Variants in SUSD6 observed in about 807,000 individuals in gnomAD.
The protein encoded by SUSD6 is sushi domain-containing protein 6.
A neutral mutation model predicts 28.4 loss-of-function variants in SUSD6; 16 were observed. The observed-to-expected ratio is 0.56, with a 90% CI of 0.38 to 0.86. The LOEUF is 0.86. SUSD6 is among the 40% of genes least tolerant of loss of function. SUSD6 has a pLI of 0.00. For missense variants in SUSD6, 341 were observed against 384.2 expected, an observed-to-expected ratio of 0.89 and a Z score of 0.94; for synonymous variants, 147 against 159.6, an observed-to-expected ratio of 0.92 and a Z score of 0.59.
intron 1 of SUSD6, among the ~76,000 whole-genome samples, chr14:69,652,822 G>A (rs549289714): frequency 1.5e-3 from 223 of 152,304 alleles, no homozygotes; most frequent in Non-Finnish European, 2.5e-3. Context: ...GCAACAACAA[G>A]CAAGTAAACC....
rs557374843 is a variant in SUSD6, at chr14:69,652,836, T to A, written c.-80-5677T>A. Among the ~76,000 whole-genome samples, 5 of 152,356 alleles carry A rather than the reference T, an allele frequency of 3.3e-5. No individual in the cohort carries two copies. The South Asian group carries it at 1.0e-3, about 32-fold the overall frequency. On this transcript the variant is annotated intron_variant, in intron 1 of 5. Coordinates refer to ENST00000342745, the MANE Select transcript of SUSD6 (RefSeq NM_014734.4). ...GGCAACAACAAGCAAGTAAACCATGTGAACTTTGGGCTTGTGTTGCAGGCC... is the reference window on the plus strand; with the variant it reads ...GGCAACAACAAGCAAGTAAACCATGAGAACTTTGGGCTTGTGTTGCAGGCC...
intron 4 of SUSD6, among the ~76,000 whole-genome samples, chr14:69,705,431 C>A (rs916479425): frequency 6.6e-6 from 1 of 152,006 alleles, no homozygotes; most frequent in South Asian, 2.1e-4. Context: ...GATCATGGAA[C>A]TTGTTAGGAT....
intron 1 of SUSD6, among the ~76,000 whole-genome samples, chr14:69,643,171 G>T (rs1219602448): frequency 1.3e-5 from 2 of 152,140 alleles, no homozygotes; most frequent in African/African-American, 4.8e-5. Flanking sequence ...ATTTTATCTG[G>T]TTTTTCAGTT....
At chr14:69,669,062 CTTTTTTTTTTTT>C (rs58962166) in intron 2 of SUSD6, among the ~76,000 whole-genome samples, 2 of 78,006 alleles carry the variant, frequency 2.6e-5, no homozygotes, top group Admixed American at 1.7e-4. Flanking sequence ...CTTTTCTTTT[CTTTTTTTTTTTT>C]TTTTTTTTGA....
intron 1 of SUSD6, among the ~76,000 whole-genome samples, chr14:69,627,790 A>T (rs1475961703): frequency 6.6e-6 from 1 of 152,064 alleles, no homozygotes; most frequent in Non-Finnish European, 1.5e-5. Context: ...TAAAAGTGGC[A>T]GATGTTCTTG....
chr14:69,651,168 T>C (rs1457519806), intron 1 of SUSD6, among the ~76,000 whole-genome samples: 1 of 152,200 alleles, frequency 6.6e-6, no homozygotes, highest in Non-Finnish European at 1.5e-5. Context: ...TTTCAGTGGC[T>C]AGGACCTAGG....
chr14:69,695,205 T>TA (rs1886208076), intron 2 of SUSD6, among the ~76,000 whole-genome samples: 1 of 152,004 alleles, frequency 6.6e-6, no homozygotes, highest in South Asian at 2.1e-4. Context: ...TTTGGCGGGA[T>TA]CGGGAAGCCA....
At chr14:69,617,071 G>C (rs963667289) in intron 1 of SUSD6, 1 of 152,112 alleles carries the variant, frequency 6.6e-6, no homozygotes, top group African/African-American at 2.4e-5. Flanking sequence ...CTTTCACTTA[G>C]CATAATGTTT....
At chr14:69,681,850 G>A (rs1458490128) in intron 2 of SUSD6, among the ~76,000 whole-genome samples, 2 of 152,156 alleles carry the variant, frequency 1.3e-5, no homozygotes, top group East Asian at 1.9e-4. Flanking sequence ...AAGGGCTTAC[G>A]GCTAAAGAAG....
intron 1 of SUSD6, among the ~76,000 whole-genome samples, chr14:69,638,303 T>C (rs1885294418): frequency 6.6e-6 from 1 of 152,136 alleles, no homozygotes; most frequent in Non-Finnish European, 1.5e-5. Context: ...ATTTAGCTTG[T>C]GCTTCAAACC....
At chr14:69,648,759 A>G (rs1414294547) in intron 1 of SUSD6, among the ~76,000 whole-genome samples, 3 of 152,306 alleles carry the variant, frequency 2.0e-5, no homozygotes, top group Admixed American at 1.3e-4. Context: ...GCATAGCTGT[A>G]AGTACTCGGA....
intron 2 of SUSD6, among the ~76,000 whole-genome samples, chr14:69,677,264 C>T (rs1243679230): frequency 2.6e-5 from 4 of 152,144 alleles, no homozygotes; most frequent in South Asian, 2.1e-4. Flanking sequence ...TACTCTGTTA[C>T]GCCGGGCGTG....
chr14:69,635,449 G>A (rs1885249582), intron 1 of SUSD6, among the ~76,000 whole-genome samples: 1 of 152,164 alleles, frequency 6.6e-6, no homozygotes, highest in African/African-American at 2.4e-5. Context: ...AAAAAGCAGG[G>A]AGAGAAAACA....
At chr14:69,697,526 A>G (rs1172863509) in intron 2 of SUSD6, among the ~76,000 whole-genome samples, 1 of 152,218 alleles carries the variant, frequency 6.6e-6, no homozygotes, top group African/African-American at 2.4e-5. Flanking sequence ...GTTGAGATGT[A>G]ATCAGTCAAC....
chr14:69,619,598 GAA>G (rs10554011), intron 1 of SUSD6, among the ~76,000 whole-genome samples: 2,356 of 119,120 alleles, frequency 0.02, 64 homozygotes, highest in African/African-American at 0.065. Flanking sequence ...CATCTCTACA[GAA>G]AAAAAAAAAA....
chr14:69,622,191 G>T (rs369516144), intron 1 of SUSD6, among the ~76,000 whole-genome samples: 10 of 152,096 alleles, frequency 6.6e-5, no homozygotes, highest in Non-Finnish European at 1.2e-4. Flanking sequence ...TTGAAACAGG[G>T]TCTTGTTCTG....
chr14:69,615,259 A>G (rs914491809), intron 1 of SUSD6, among the ~76,000 whole-genome samples: 9 of 152,178 alleles, frequency 5.9e-5, no homozygotes, highest in African/African-American at 2.2e-4. Flanking sequence ...AGTACTCAGG[A>G]ACCTTTGGGT....
At position 69,680,295 on chromosome 14, in the gene SUSD6, T is replaced by C. The variant is rs371168781; in HGVS notation, c.121+21582T>C. ...CCCTTACTCCTGGTTGTGTTTGTGC[T>C]GGAGTGGGAAGGTGTGTAGGCAGCT... is the stretch of plus-strand genomic sequence containing the variant. On this transcript the variant is annotated intron_variant, in intron 2 of 5. Coordinates refer to ENST00000342745, the MANE Select transcript of SUSD6 (RefSeq NM_014734.4). 3.9e-5 allele frequency among the ~76,000 whole-genome samples: 6 copies of C among 152,288 alleles called. No individual in the cohort carries two copies. In the South Asian group the frequency reaches 1.2e-3, roughly 32 times the overall value.
At chr14:69,669,043 AT>A (rs1181954177) in intron 2 of SUSD6, among the ~76,000 whole-genome samples, 4 of 131,842 alleles carry the variant, frequency 3.0e-5, no homozygotes, top group Non-Finnish European at 6.5e-5. Flanking sequence ...AGTCTCAAGT[AT>A]TTTTTTTCTT....
Sources: gnomAD v4.1 joint callset for allele counts (sites outside exome capture counted in the v4.1 genomes callset) on GRCh38, gnomAD v4.1.1 for gene constraint, MANE v1.5 for transcripts, NCBI Gene and HGNC (gene_info 2026-07-23, HGNC 2026-07-21) for gene names.